Variants in DLG2 observed in about 807,000 individuals in gnomAD.
The protein encoded by DLG2 is discs large MAGUK scaffold protein 2.
Under a neutral mutation model 132.5 loss-of-function variants are expected in DLG2, and 45 were observed. The ratio of observed to expected loss-of-function variants is 0.34; its 90% CI spans 0.27 to 0.44. The LOEUF is 0.44. DLG2 is among the 20% of genes least tolerant of loss of function. DLG2 has a pLI of 1.00. For missense variants in DLG2, 1,045 were observed against 1,196.9 expected, an observed-to-expected ratio of 0.87 and a Z score of 1.87; for synonymous variants, 424 against 419.6, an observed-to-expected ratio of 1.01 and a Z score of -0.13.
intron 21 of DLG2, among the ~76,000 whole-genome samples, chr11:83,519,249 G>A (rs577677107): frequency 4.5e-4 from 68 of 152,246 alleles, no homozygotes; most frequent in Non-Finnish European, 8.5e-4. Context: ...CTCAGCAGGT[G>A]CAACTCCAAA....
At chr11:85,610,825 C>T (rs1376858954) in intron 2 of DLG2, among the ~76,000 whole-genome samples, 1 of 152,238 alleles carries the variant, frequency 6.6e-6, no homozygotes, top group Non-Finnish European at 1.5e-5. Context: ...CCTATACTGG[C>T]TTATCATCAC....
intron 6 of DLG2, among the ~76,000 whole-genome samples, chr11:84,906,856 C>A (rs1057349274): frequency 6.6e-6 from 1 of 152,116 alleles, no homozygotes; most frequent in African/African-American, 2.4e-5. Context: ...CTAAAAAATT[C>A]ATTCCCTTCT....
At chr11:85,344,898 T>C (rs537446815) in intron 3 of DLG2, among the ~76,000 whole-genome samples, 2 of 152,204 alleles carry the variant, frequency 1.3e-5, no homozygotes, top group Admixed American at 6.5e-5. Flanking sequence ...AAAAAGTTGA[T>C]AGTAACACCA....
intron 5 of DLG2, among the ~76,000 whole-genome samples, chr11:85,122,213 A>G (rs1347496941): frequency 6.6e-6 from 1 of 152,240 alleles, no homozygotes; most frequent in African/African-American, 2.4e-5. Context: ...AACCAGATAA[A>G]GACTATAACA....
At chr11:84,707,725 G>C (rs749805647) in intron 6 of DLG2, among the ~76,000 whole-genome samples, 1 of 151,816 alleles carries the variant, frequency 6.6e-6, no homozygotes, top group Non-Finnish European at 1.5e-5. Context: ...AATTTTACCT[G>C]AGAGTATGCA....
chr11:83,642,619 T>C (rs1227436542), intron 18 of DLG2, among the ~76,000 whole-genome samples: 1 of 152,216 alleles, frequency 6.6e-6, no homozygotes, highest in Non-Finnish European at 1.5e-5. Flanking sequence ...TGCTTTGTTT[T>C]ATAGATTCAT....
intron 6 of DLG2, among the ~76,000 whole-genome samples, chr11:85,097,712 C>T (rs1249403968): frequency 6.6e-6 from 1 of 152,180 alleles, no homozygotes; most frequent in Admixed American, 6.5e-5. Flanking sequence ...AAGGGCTCTC[C>T]TCAGCCACAG....
chr11:84,261,928 A>G (rs754698632), intron 7 of DLG2, among the ~76,000 whole-genome samples: 1 of 152,136 alleles, frequency 6.6e-6, no homozygotes, highest in Non-Finnish European at 1.5e-5. Context: ...ACACTGCTTG[A>G]TGGTGTCCAT....
At chr11:83,504,342 T>C (rs2094589106) in intron 21 of DLG2, among the ~76,000 whole-genome samples, 1 of 152,184 alleles carries the variant, frequency 6.6e-6, no homozygotes, top group African/African-American at 2.4e-5. Context: ...GATTGGGTTA[T>C]TGTAGTTTCC....
At chr11:83,542,644 A>G (rs1231014660) in intron 19 of DLG2, among the ~76,000 whole-genome samples, 1 of 152,206 alleles carries the variant, frequency 6.6e-6, no homozygotes, top group Non-Finnish European at 1.5e-5. Flanking sequence ...GTTAAGGCCA[A>G]TGCACTGTAA....
At chr11:84,373,060 A>G (rs1422665446) in intron 7 of DLG2, among the ~76,000 whole-genome samples, 1 of 151,882 alleles carries the variant, frequency 6.6e-6, no homozygotes, top group Non-Finnish European at 1.5e-5. Context: ...ACTGAAGGAA[A>G]GAGAGACAGA....
chr11:83,977,386 T>A (rs2092367026), intron 12 of DLG2, among the ~76,000 whole-genome samples: 1 of 151,968 alleles, frequency 6.6e-6, no homozygotes, highest in Admixed American at 6.6e-5. Context: ...ACCTAACTAG[T>A]CAGTTGCCTC....
chr11:84,049,786 G>A (rs546210666), intron 11 of DLG2, among the ~76,000 whole-genome samples: 1 of 151,854 alleles, frequency 6.6e-6, no homozygotes, highest in East Asian at 1.9e-4. Flanking sequence ...AACAGAAAAG[G>A]AAGAAATAAA....
chr11:85,555,134 G>C (rs748641296), intron 3 of DLG2, among the ~76,000 whole-genome samples: 3 of 151,844 alleles, frequency 2.0e-5, no homozygotes, highest in Non-Finnish European at 4.4e-5. Flanking sequence ...CATTGGGTTT[G>C]TCTGTGCAGT....
intron 9 of DLG2, among the ~76,000 whole-genome samples, chr11:84,116,112 G>A (rs150548202): frequency 6.6e-6 from 1 of 152,226 alleles, no homozygotes; most frequent in Non-Finnish European, 1.5e-5. Context: ...CGCAGTGCAA[G>A]AGCACTGGCA....
At chr11:84,979,386 A>G (rs2055391821) in intron 6 of DLG2, among the ~76,000 whole-genome samples, 2 of 152,232 alleles carry the variant, frequency 1.3e-5, no homozygotes, top group African/African-American at 4.8e-5. Flanking sequence ...TATTCACAAC[A>G]GCAAAGACTT....
intron 11 of DLG2, among the ~76,000 whole-genome samples, chr11:83,986,283 C>A (rs1281775758): frequency 6.7e-6 from 1 of 150,144 alleles, no homozygotes; most frequent in Non-Finnish European, 1.5e-5. Context: ...TTGTTCAATT[C>A]CCACCTATGA....
intron 6 of DLG2, among the ~76,000 whole-genome samples, chr11:84,805,092 T>C (rs1378677601): frequency 6.6e-6 from 1 of 152,132 alleles, no homozygotes; most frequent in East Asian, 1.9e-4. Context: ...TTGCCCCTCA[T>C]TGTGTCAGTA....
intron 4 of DLG2, among the ~76,000 whole-genome samples, chr11:85,249,849 C>A (rs2076314147): frequency 6.6e-6 from 1 of 152,154 alleles, no homozygotes; most frequent in African/African-American, 2.4e-5. Flanking sequence ...AGTGGGACTT[C>A]ATTCCTGAAG....
Sources: gnomAD v4.1 joint callset for allele counts (sites outside exome capture counted in the v4.1 genomes callset) on GRCh38, gnomAD v4.1.1 for gene constraint, MANE v1.5 for transcripts, NCBI Gene and HGNC (gene_info 2026-07-23, HGNC 2026-07-21) for gene names.